Variants in ATR observed in about 807,000 individuals in gnomAD.
ATR encodes serine/threonine-protein kinase ATR.
Under a neutral mutation model 305.3 loss-of-function variants are expected in ATR, and 142 were observed. The ratio of observed to expected loss-of-function variants is 0.47; its 90% confidence interval spans 0.41 to 0.53. The LOEUF is 0.53. Among genes scored for constraint, ATR ranks in the 20% least tolerant of loss-of-function variants. ATR has a pLI of 0.00. For synonymous variants in ATR, 1,050 were observed against 1,068.1 expected, an observed-to-expected ratio of 0.98 and a Z score of 0.33; for missense variants, 2,135 against 3,133.1, an observed-to-expected ratio of 0.68 and a Z score of 7.60.
chr3:142,475,725 G>T (rs576935510), intron 36 of ATR, among the ~76,000 whole-genome samples: 1 of 152,186 alleles, frequency 6.6e-6, no homozygotes, highest in African/African-American at 2.4e-5. Context: ...CAGTGTAAAC[G>T]TGTTCCTATT....
intron 34 of ATR, among the ~76,000 whole-genome samples, chr3:142,495,258 A>C (rs1456579923): frequency 6.6e-6 from 1 of 152,204 alleles, no homozygotes; most frequent in Non-Finnish European, 1.5e-5. Flanking sequence ...CACACTGAAT[A>C]AATTGCTTTC....
Position 142,477,693 on chromosome 3 carries a change from T to C in ATR, c.6221+7447A>G, listed in dbSNP as rs555542757. Among the ~76,000 whole-genome samples, 12 of 152,352 alleles carry C rather than the reference T, an allele frequency of 7.9e-5. No individual in the cohort carries two copies. The South Asian group carries it at 2.1e-3, about 26-fold the overall frequency. ...TACCAGTTCCTCCTTGTACCTCTGG[T>C]AGAATTCGGCTGTGAATCCATCTGG... On this transcript the variant is annotated intron_variant, in intron 36 of 46. Transcript: ENST00000350721.
At chr3:142,506,540 T>G (rs2032247108) in intron 28 of ATR, among the ~76,000 whole-genome samples, 1 of 151,810 alleles carries the variant, frequency 6.6e-6, no homozygotes, top group African/African-American at 2.4e-5. Context: ...TACAAAAAAT[T>G]AGCCAGGTGT....
chr3:142,511,361 T>C (rs543881346), intron 27 of ATR, among the ~76,000 whole-genome samples: 59 of 152,282 alleles, frequency 3.9e-4, no homozygotes, highest in African/African-American at 1.4e-3. Context: ...GGAGATAATA[T>C]TAACCCCATT....
intron 36 of ATR, among the ~76,000 whole-genome samples, chr3:142,482,755 G>C (rs973440094): frequency 1.3e-5 from 2 of 151,450 alleles, no homozygotes; most frequent in African/African-American, 4.9e-5. Flanking sequence ...AGGATCACTT[G>C]AGCCCAGAGT....
chr3:142,468,143 C>T (rs2071174387), intron 38 of ATR, 75 bp from the exon 39 acceptor site: 1 of 1,534,926 alleles, frequency 6.5e-7, no homozygotes, highest in Non-Finnish European at 8.8e-7. Flanking sequence ...TTTTGCTTGA[C>T]AAAAAACTTA....
intron 15 of ATR, 26 bp downstream of exon 15, chr3:142,549,453 T>G: frequency 6.9e-7 from 1 of 1,445,476 alleles, no homozygotes; most frequent in Non-Finnish European, 9.2e-7. Context: ...TATAAAAAAG[T>G]AAAATATATA....
At chr3:142,512,215 A>C in intron 27 of ATR, 45 bp downstream of exon 27, 2 of 1,420,918 alleles carry the variant, frequency 1.4e-6, no homozygotes, top group Non-Finnish European at 1.9e-6. Context: ...TAATTGGTGA[A>C]TAGCTAAAAA....
At chr3:142,489,494 T>C (rs2031153588) in intron 35 of ATR, among the ~76,000 whole-genome samples, 1 of 152,238 alleles carries the variant, frequency 6.6e-6, no homozygotes, top group South Asian at 2.1e-4. Context: ...AGGCAAATAC[T>C]GATATAATTT....
intron 36 of ATR, among the ~76,000 whole-genome samples, chr3:142,477,529 T>C (rs2029964676): frequency 6.6e-6 from 1 of 152,232 alleles, no homozygotes; most frequent in South Asian, 2.1e-4. Flanking sequence ...TCAATGTTCA[T>C]CAGGGATATT....
chr3:142,577,875 G>A (rs558671706), intron 1 of ATR, among the ~76,000 whole-genome samples: 1 of 152,324 alleles, frequency 6.6e-6, no homozygotes, highest in South Asian at 2.1e-4. Context: ...GTATTGAAGA[G>A]GTGTGAGAGC....
Position 142,559,148 on chromosome 3 carries a change from G to A in ATR, c.1732+103C>T, listed in dbSNP as rs1223012176. On this transcript the variant is annotated intron_variant, in intron 7 of 46. Coordinates refer to ENST00000350721, the MANE Select transcript of ATR (RefSeq NM_001184.4). ...GAACTGAAATCAGGAAAAAACTTCTGAGTATTCCAAACACGCACTTAGGCT... is the reference window on the plus strand; with the variant it reads ...GAACTGAAATCAGGAAAAAACTTCTAAGTATTCCAAACACGCACTTAGGCT... 3.2e-6 allele frequency: 4 copies of A among 1,263,024 alleles called. No individual in the cohort carries two copies. The African/African-American group carries it at 6.1e-5, about 19-fold the overall frequency. The allele number at this position is 1,263,024 out of a possible 1,614,324, so 78.2% of individuals were successfully genotyped here.
chr3:142,489,405 G>C (rs539568153), intron 35 of ATR, among the ~76,000 whole-genome samples: 1 of 152,138 alleles, frequency 6.6e-6, no homozygotes, highest in Non-Finnish European at 1.5e-5. Context: ...CATCATTCCA[G>C]TCAAGAAGAT....
rs1019528879 is a variant in ATR, at chr3:142,490,335, C to G, written c.6078+2797G>C. 4.6e-4 allele frequency among the ~76,000 whole-genome samples: 70 copies of G among 152,170 alleles called. 3 individuals are homozygous for G. Among genetic ancestry groups the G allele is most frequent in the Non-Finnish European group, 5.9e-5 (4 of 68,020 alleles). On this transcript the variant is annotated intron_variant, in intron 35 of 46. Transcript: ENST00000350721. Reference sequence around the variant, plus strand: ...CCTCCCAAAGCACCGGGATTACAGGCCTGAGCCACTGTGCCTAGCCTCACA... The same window carrying G: ...CCTCCCAAAGCACCGGGATTACAGGGCTGAGCCACTGTGCCTAGCCTCACA...
chr3:142,508,166 T>A, intron 27 of ATR, 57 bp from the exon 28 acceptor site: 1 of 1,423,316 alleles, frequency 7.0e-7, no homozygotes, highest in Non-Finnish European at 9.7e-7. Flanking sequence ...TTTAAAAGTG[T>A]CAATTTAAGT....
chr3:142,572,371 A>ATTTTTTTT (rs2035298182), intron 1 of ATR, among the ~76,000 whole-genome samples: 1 of 49,004 alleles, frequency 2.0e-5, no homozygotes, highest in Non-Finnish European at 4.6e-5. Flanking sequence ...GCCCGGCCTG[A>ATTTTTTTT]CTTTTTTTTT....
In ATR at chr3:142,522,718, C is replaced by G. The variant is rs746137243; in HGVS notation, c.4266+10G>C. 6.3e-7 allele frequency: 1 copy of G among 1,589,100 alleles called. No individual in the cohort carries two copies. ...AATTTAAAGCCAGTAATGACTATATCCACTCTTACCTGAATGGCATAGGCA... is the reference window on the plus strand; with the variant it reads ...AATTTAAAGCCAGTAATGACTATATGCACTCTTACCTGAATGGCATAGGCA... On this transcript the variant is annotated intron_variant, in intron 23 of 46. Transcript: ENST00000350721.
intron 16 of ATR, 145 bp downstream of exon 16, chr3:142,547,580 T>C (rs2034316934): frequency 1.1e-6 from 1 of 914,456 alleles, no homozygotes; most frequent in African/African-American, 1.7e-5. Flanking sequence ...TAAATCAGCC[T>C]TTTCAAAATA....
chr3:142,506,597 G>A (rs761978880), intron 28 of ATR, among the ~76,000 whole-genome samples: 9 of 152,132 alleles, frequency 5.9e-5, no homozygotes, highest in Non-Finnish European at 1.3e-4. Context: ...TGAGGTGTGA[G>A]GATCCCTTGA....
Sources: allele counts gnomAD v4.1 joint callset (sites outside exome capture counted in the v4.1 genomes callset), GRCh38; gene constraint gnomAD v4.1.1; transcripts MANE v1.5; gene names NCBI Gene and HGNC (gene_info 2026-07-23, HGNC 2026-07-21).